DIS3L2: variants seen among roughly 807,000 people sequenced by gnomAD.
The protein encoded by DIS3L2 is DIS3 like 3'-5' exoribonuclease 2, also known as DIS3-like exonuclease 2.
In DIS3L2, 34 loss-of-function variants were observed where a neutral mutation model predicts 97.5. That is an observed-to-expected ratio of 0.35 (90% CI 0.27 to 0.46). The LOEUF is 0.46. Ranked by LOEUF, DIS3L2 falls within the 20% of genes least tolerant of loss-of-function variation. The probability of loss-of-function intolerance (pLI) is 1.00; values close to 1 mark genes in which losing one functional copy is unlikely to be tolerated. For synonymous variants in DIS3L2, 435 were observed against 445.2 expected (o/e 0.98, Z 0.29); for missense variants, 1,038 against 1,146.0 (o/e 0.91, Z 1.36).
intron 6 of DIS3L2, among the ~76,000 whole-genome samples, chr2:232,099,397 G>A (rs1446017919): frequency 1.3e-5 from 2 of 151,830 alleles, no homozygotes; most frequent in African/African-American, 2.4e-5. Context: ...TGTATTTTTA[G>A]TACAGACGGG....
At chr2:232,222,277 C>T (rs567630581) in intron 10 of DIS3L2, among the ~76,000 whole-genome samples, 2 of 149,896 alleles carry the variant, frequency 1.3e-5, no homozygotes, top group East Asian at 4.2e-4. Context: ...TTTTGAAATG[C>T]TGAATATTTT....
chr2:232,283,192 G>C (rs1165985020), intron 13 of DIS3L2, among the ~76,000 whole-genome samples: 1 of 152,196 alleles, frequency 6.6e-6, no homozygotes, highest in Admixed American at 6.5e-5. Context: ...TTAGAGATGA[G>C]GAAACTGAGA....
intron 11 of DIS3L2, among the ~76,000 whole-genome samples, chr2:232,247,648 T>TGG (rs1693299617): frequency 1.9e-5 from 1 of 52,778 alleles, no homozygotes; most frequent in African/African-American, 7.5e-5. Context: ...GGGGGGAGGG[T>TGG]GCCAATTCAG....
chr2:231,988,591 T>C (rs1348460257), intron 1 of DIS3L2, among the ~76,000 whole-genome samples: 4 of 152,218 alleles, frequency 2.6e-5, no homozygotes, highest in African/African-American at 9.6e-5. Context: ...GTTGTGACTT[T>C]ATATGTCATC....
In DIS3L2 at chr2:232,139,750, A is replaced by G. The variant is rs376987291; in HGVS notation, c.950+3031A>G. Among the ~76,000 whole-genome samples the G allele has an allele frequency of 3.8e-4, 58 of 152,312 alleles. 2 individuals carry two copies. The East Asian group carries it at 0.011, about 29-fold the overall frequency. ...CTTTGCTAAAAGATCACTCTGACTG[A>G]GAGTAAAGAATAGATGAGAAGGGAC... On this transcript the variant is annotated intron_variant, in intron 8 of 20. Coordinates refer to ENST00000325385, the MANE Select transcript of DIS3L2 (RefSeq NM_152383.5).
intron 9 of DIS3L2, among the ~76,000 whole-genome samples, chr2:232,188,782 A>G (rs1480898658): frequency 6.6e-6 from 1 of 152,182 alleles, no homozygotes; most frequent in African/African-American, 2.4e-5. Flanking sequence ...AAGAAAAGAA[A>G]AAGATGAGCT....
intron 6 of DIS3L2, among the ~76,000 whole-genome samples, chr2:232,095,639 C>T (rs2106317962): frequency 6.6e-6 from 1 of 152,274 alleles, no homozygotes; most frequent in Non-Finnish European, 1.5e-5. Context: ...TTTCTGTGTA[C>T]CTACTATTAT....
intron 6 of DIS3L2, among the ~76,000 whole-genome samples, chr2:232,096,822 C>T (rs1697030622): frequency 6.6e-6 from 1 of 151,824 alleles, no homozygotes; most frequent in Admixed American, 6.6e-5. Context: ...TTCTGAATTC[C>T]TTTTCTATTA....
chr2:232,167,591 T>C (rs943175402), intron 9 of DIS3L2, among the ~76,000 whole-genome samples: 2 of 152,236 alleles, frequency 1.3e-5, no homozygotes, highest in Admixed American at 1.3e-4. Flanking sequence ...CATTTCTCAG[T>C]CCTATTCGCC....
chr2:232,032,854 C>A (rs1414437317), intron 5 of DIS3L2, among the ~76,000 whole-genome samples: 1 of 152,114 alleles, frequency 6.6e-6, no homozygotes, highest in Non-Finnish European at 1.5e-5. Context: ...GTCTATATAT[C>A]TGTTTTGGTA....
chr2:232,122,090 C>T (rs1210731587), intron 6 of DIS3L2, among the ~76,000 whole-genome samples: 4 of 152,188 alleles, frequency 2.6e-5, no homozygotes. Context: ...TCCCCATTGC[C>T]TTTGTGATAA....
At chr2:232,289,249 G>GT (rs1031812345) in intron 13 of DIS3L2, among the ~76,000 whole-genome samples, 2,397 of 142,234 alleles carry the variant, frequency 0.017, 42 homozygotes, top group African/African-American at 0.044. Flanking sequence ...TTTGTTTTTT[G>GT]TTTTTTTTTT....
intron 9 of DIS3L2, among the ~76,000 whole-genome samples, chr2:232,206,183 G>A (rs1692021500): frequency 6.6e-6 from 1 of 152,224 alleles, no homozygotes; most frequent in East Asian, 1.9e-4. Context: ...GAGCAAATGA[G>A]TTGGTCAAGA....
At chr2:232,164,189 C>T (rs973534129) in intron 9 of DIS3L2, among the ~76,000 whole-genome samples, 5 of 152,210 alleles carry the variant, frequency 3.3e-5, no homozygotes, top group Admixed American at 6.5e-5. Flanking sequence ...AAGTGCCTTC[C>T]TTTAAATGGG....
At chr2:232,199,519 T>C (rs1291974183) in intron 9 of DIS3L2, among the ~76,000 whole-genome samples, 2 of 152,204 alleles carry the variant, frequency 1.3e-5, no homozygotes, top group African/African-American at 4.8e-5. Flanking sequence ...ATTCAGAGGA[T>C]AAGATTTGGA....
chr2:232,108,027 T>C (rs1283526767), intron 6 of DIS3L2, among the ~76,000 whole-genome samples: 1 of 152,188 alleles, frequency 6.6e-6, no homozygotes, highest in Non-Finnish European at 1.5e-5. Flanking sequence ...CCCTAACTTA[T>C]TGTATGAGTC....
chr2:232,098,220 A>T lies in DIS3L2; in HGVS notation c.601+10499A>T, dbSNP rs116157999. On this transcript the variant is annotated intron_variant, in intron 6 of 20. Coordinates refer to ENST00000325385, the MANE Select transcript of DIS3L2 (RefSeq NM_152383.5). ...ATACACAGAGGACAAAGCAAGGCGGAGGAACAATTCTTTTTTTATTAACTG... is the reference window on the plus strand; with the variant it reads ...ATACACAGAGGACAAAGCAAGGCGGTGGAACAATTCTTTTTTTATTAACTG... Among the ~76,000 whole-genome samples the T allele has an allele frequency of 4.2e-3, 639 of 152,306 alleles. 6 individuals are homozygous for T. Among genetic ancestry groups the T allele is most frequent in the African/African-American group, 0.015 (609 of 41,570 alleles).
At chr2:232,045,636 G>T (rs1295207531) in intron 5 of DIS3L2, among the ~76,000 whole-genome samples, 2 of 148,330 alleles carry the variant, frequency 1.3e-5, no homozygotes, top group South Asian at 2.1e-4. Flanking sequence ...TGAGGGAGGA[G>T]CCCTCATGAT....
intron 14 of DIS3L2, chr2:232,328,567 C>G (rs1196079782): frequency 6.6e-6 from 1 of 152,220 alleles, no homozygotes; most frequent in African/African-American, 2.4e-5. Context: ...GCACTACTCA[C>G]ACCTCCAGGA....
Sources: gnomAD v4.1 joint callset for allele counts (sites outside exome capture counted in the v4.1 genomes callset) on GRCh38, gnomAD v4.1.1 for gene constraint, MANE v1.5 for transcripts, NCBI Gene and HGNC (gene_info 2026-07-23, HGNC 2026-07-21) for gene names.